Variants in ARB2A observed in about 807,000 individuals in gnomAD.
The protein encoded by ARB2A is ARB2 cotranscriptional regulator A, also known as cotranscriptional regulator ARB2A.
the ARB2A span, among the ~76,000 whole-genome samples, chr5:93,876,085 T>C: frequency 1.3e-5 from 2 of 152,254 alleles, no homozygotes; most frequent in Non-Finnish European, 2.9e-5. Flanking sequence ...AAATTCATTA[T>C]GAATTAATTA....
chr5:94,003,523 C>T, the ARB2A span, among the ~76,000 whole-genome samples: 12 of 151,946 alleles, frequency 7.9e-5, no homozygotes, highest in African/African-American at 2.7e-4. Flanking sequence ...ATGTAGGATA[C>T]AAGATAAACT....
chr5:93,965,871 G>A, the ARB2A span, among the ~76,000 whole-genome samples: 2 of 151,818 alleles, frequency 1.3e-5, no homozygotes, highest in African/African-American at 4.8e-5. Flanking sequence ...CTATGTATAC[G>A]TATTCATTTC....
At chr5:93,781,091 CT>C in the ARB2A span, among the ~76,000 whole-genome samples, 1 of 152,010 alleles carries the variant, frequency 6.6e-6, no homozygotes, top group Non-Finnish European at 1.5e-5. Context: ...GTAGTAAAGT[CT>C]GGGCTTTTAG....
At chr5:93,993,814 C>T in the ARB2A span, among the ~76,000 whole-genome samples, 9 of 150,000 alleles carry the variant, frequency 6.0e-5, no homozygotes, top group African/African-American at 2.2e-4. Flanking sequence ...ATATTAAATA[C>T]TATATATATT....
chr5:93,972,926 A>G, the ARB2A span, among the ~76,000 whole-genome samples: 15 of 142,112 alleles, frequency 1.1e-4, no homozygotes, highest in Non-Finnish European at 1.4e-4. Flanking sequence ...AAAAAAAAAA[A>G]AGAGAAAACT....
the ARB2A span, chr5:93,958,945 T>C: frequency 6.3e-7 from 1 of 1,598,104 alleles, no homozygotes; most frequent in Admixed American, 1.7e-5. Context: ...TAAAACTCTT[T>C]GGTTCACTCT....
the ARB2A span, among the ~76,000 whole-genome samples, chr5:93,722,922 T>A: frequency 6.6e-6 from 1 of 152,146 alleles, no homozygotes; most frequent in African/African-American, 2.4e-5. Context: ...TTACAATACA[T>A]GTTAAATGTT....
At chr5:93,848,821 C>A in the ARB2A span, among the ~76,000 whole-genome samples, 226 of 152,206 alleles carry the variant, frequency 1.5e-3, 1 homozygote, top group South Asian at 5.8e-3. Context: ...GTCTAACATA[C>A]CTAACAGTAT....
chr5:93,752,566 T>A, the ARB2A span, among the ~76,000 whole-genome samples: 4 of 152,176 alleles, frequency 2.6e-5, no homozygotes, highest in Admixed American at 6.5e-5. Flanking sequence ...ATTTTTAATT[T>A]TTTTTAAGTG....
the ARB2A span, among the ~76,000 whole-genome samples, chr5:93,839,071 A>G: frequency 2.0e-5 from 3 of 151,972 alleles, no homozygotes; most frequent in African/African-American, 7.3e-5. Context: ...GACTTCCAAT[A>G]CTATGTTGAA....
At chr5:94,005,615 A>G in the ARB2A span, among the ~76,000 whole-genome samples, 1 of 152,240 alleles carries the variant, frequency 6.6e-6, no homozygotes, top group African/African-American at 2.4e-5. Flanking sequence ...ATGAGCATCC[A>G]CTGTATTTGC....
At chr5:93,760,438 A>G in the ARB2A span, among the ~76,000 whole-genome samples, 3 of 152,210 alleles carry the variant, frequency 2.0e-5, no homozygotes, top group African/African-American at 7.2e-5. Flanking sequence ...GAACCTGCAT[A>G]GCCAAAGCAA....
chr5:93,690,953 G>A, the ARB2A span, among the ~76,000 whole-genome samples: 1 of 151,038 alleles, frequency 6.6e-6, no homozygotes, highest in South Asian at 2.2e-4. Context: ...AGAGGGGCCT[G>A]TTAGAACAAA....
chr5:94,060,427 G>A, the ARB2A span, among the ~76,000 whole-genome samples: 4 of 151,918 alleles, frequency 2.6e-5, no homozygotes, highest in African/African-American at 7.3e-5. Flanking sequence ...GAAATGGTCC[G>A]AGACCTTAAA....
chr5:93,969,516 C>T, the ARB2A span, among the ~76,000 whole-genome samples: 8 of 152,168 alleles, frequency 5.3e-5, no homozygotes, highest in East Asian at 1.9e-4. Flanking sequence ...ATCCTGACTA[C>T]TAATACAGTA....
At chr5:93,915,617 T>C in the ARB2A span, among the ~76,000 whole-genome samples, 1 of 152,038 alleles carries the variant, frequency 6.6e-6, no homozygotes, top group Middle Eastern at 3.4e-3. Context: ...GAAGATAATA[T>C]AATAACTTTC....
chr5:93,772,074 A>C, the ARB2A span, among the ~76,000 whole-genome samples: 7 of 152,248 alleles, frequency 4.6e-5, no homozygotes, highest in Admixed American at 1.3e-4. Flanking sequence ...CAACAATGAT[A>C]GACTGGATTA....
At chr5:93,638,594 C>T in the ARB2A span, among the ~76,000 whole-genome samples, 1 of 151,910 alleles carries the variant, frequency 6.6e-6, no homozygotes, top group Non-Finnish European at 1.5e-5. Context: ...AGGCGGGTCA[C>T]CTCAGGTTGG....
At chr5:93,745,130 C>T in the ARB2A span, among the ~76,000 whole-genome samples, 2 of 152,160 alleles carry the variant, frequency 1.3e-5, no homozygotes, top group Non-Finnish European at 2.9e-5. Context: ...TCTAAGGAGA[C>T]ATAACCAACT....
Sources: gnomAD v4.1 joint callset for allele counts (sites outside exome capture counted in the v4.1 genomes callset) on GRCh38, gnomAD v4.1.1 for gene constraint, MANE v1.5 for transcripts, NCBI Gene and HGNC (gene_info 2026-07-23, HGNC 2026-07-21) for gene names.